Variants in EDN1 observed in about 807,000 individuals in gnomAD.
EDN1 encodes endothelin 1.
Under a neutral mutation model 21.7 loss-of-function variants are expected in EDN1, and 11 were observed. The ratio of observed to expected loss-of-function variants is 0.51; its 90% CI spans 0.32 to 0.84. EDN1 has a LOEUF of 0.84. EDN1 is among the 40% of genes least tolerant of loss of function. The pLI is 0.03. For synonymous variants in EDN1, 85 were observed against 90.6 expected, an observed-to-expected ratio of 0.94 and a Z score of 0.35; for missense variants, 244 against 262.3, an observed-to-expected ratio of 0.93 and a Z score of 0.48.
chr6:12,296,018 G>T lies in EDN1; in HGVS notation c.590G>T (p.Gly197Val). The T allele has an allele frequency of 6.2e-7, 1 of 1,614,048 alleles. No individual in the cohort carries two copies. The highest frequency in any genetic ancestry group is 8.5e-7 in the Non-Finnish European group (1 of 1,180,014). Residue 197 changes from glycine (G) to valine (V), a missense_variant, in exon 5 of 5, where the codon GGC becomes GTC. By Grantham distance (109) the Gly-to-Val change is moderately radical (BLOSUM62 -3). Transcript: ENST00000379375. ...KSSFHDPKLK[G>V]KPSRERYVTH... is the part of the protein sequence containing the mutation. ...TCTTTTCATGATCCCAAGCTGAAAG[G>T]CAAGCCCTCCAGAGAGCGTTATGTG...
the EDN1 span, among the ~76,000 whole-genome samples, chr6:12,236,063 A>G: frequency 6.6e-6 from 1 of 152,178 alleles, no homozygotes; most frequent in Admixed American, 6.5e-5. Flanking sequence ...GTCTTTTTAA[A>G]CTGTATTCTG....
the EDN1 span, among the ~76,000 whole-genome samples, chr6:12,259,068 A>G: frequency 1.3e-5 from 2 of 152,204 alleles, no homozygotes; most frequent in African/African-American, 2.4e-5. Context: ...TTTTATGTTG[A>G]CAATACATGG....
chr6:12,243,209 G>T, the EDN1 span, among the ~76,000 whole-genome samples: 1 of 150,590 alleles, frequency 6.6e-6, no homozygotes, highest in Non-Finnish European at 1.5e-5. Flanking sequence ...ATAAAGAAGA[G>T]AAAATATATT....
chr6:12,246,141 T>C, the EDN1 span, among the ~76,000 whole-genome samples: 20 of 152,206 alleles, frequency 1.3e-4, no homozygotes. Context: ...CTTCCTTTAA[T>C]AATTTCCATC....
At chr6:12,264,700 C>T in the EDN1 span, among the ~76,000 whole-genome samples, 1 of 152,120 alleles carries the variant, frequency 6.6e-6, no homozygotes, top group Non-Finnish European at 1.5e-5. Flanking sequence ...CATCCTGGAC[C>T]ACATGCTGCC....
the EDN1 span, among the ~76,000 whole-genome samples, chr6:12,247,060 C>G: frequency 6.6e-6 from 1 of 152,212 alleles, no homozygotes; most frequent in South Asian, 2.1e-4. Flanking sequence ...TCACTACACA[C>G]ATGTTTTTAT....
the EDN1 span, among the ~76,000 whole-genome samples, chr6:12,257,983 A>G: frequency 6.6e-6 from 1 of 152,162 alleles, no homozygotes; most frequent in Non-Finnish European, 1.5e-5. Flanking sequence ...GGAGTGCAAA[A>G]TAATTCTGAC....
the EDN1 span, among the ~76,000 whole-genome samples, chr6:12,243,899 T>C: frequency 6.6e-6 from 1 of 152,170 alleles, no homozygotes; most frequent in African/African-American, 2.4e-5. Context: ...CAAATATTCT[T>C]TTTTTATTTG....
chr6:12,244,081 T>C, the EDN1 span, among the ~76,000 whole-genome samples: 1 of 152,136 alleles, frequency 6.6e-6, no homozygotes, highest in African/African-American at 2.4e-5. Context: ...CAGGAAGCTT[T>C]CATTTGTGTG....
intron 4 of EDN1, among the ~76,000 whole-genome samples, chr6:12,294,846 A>C (rs924513046): frequency 1.1e-4 from 17 of 151,336 alleles, no homozygotes; most frequent in African/African-American, 4.1e-4. Context: ...AGTTATTCAG[A>C]TGGCCAAAGG....
Position 12,290,503 on chromosome 6 carries a change from C to A in EDN1, c.-127C>A. Reference sequence around the variant, plus strand: ...CTGCCTTTTCTCCCCGTTAAAAGGGCACTTGGGCTGAAGGATCGCTTTGAG... The same window carrying A: ...CTGCCTTTTCTCCCCGTTAAAAGGGAACTTGGGCTGAAGGATCGCTTTGAG... On this transcript the variant is annotated 5_prime_UTR_variant, in exon 1 of 5. Coordinates refer to ENST00000379375, the MANE Select transcript of EDN1 (RefSeq NM_001955.5). The A allele has an allele frequency of 1.3e-6, 1 of 783,956 alleles. No individual in the cohort carries two copies. 48.6% of individuals were successfully genotyped at this position (783,956 alleles called of 1,614,324 possible).
the EDN1 span, among the ~76,000 whole-genome samples, chr6:12,270,730 C>A: frequency 1.3e-5 from 2 of 152,100 alleles, no homozygotes; most frequent in Non-Finnish European, 1.5e-5. Flanking sequence ...TGTGCTGTTG[C>A]GAAGAATGTG....
At chr6:12,232,131 A>AT in the EDN1 span, among the ~76,000 whole-genome samples, 1 of 141,774 alleles carries the variant, frequency 7.1e-6, no homozygotes, top group Admixed American at 7.3e-5. Flanking sequence ...TAAAATTATA[A>AT]TATAATATAA....
the EDN1 span, among the ~76,000 whole-genome samples, chr6:12,272,452 C>CTTTTTTTTTT: frequency 6.0e-4 from 64 of 106,816 alleles, 2 homozygotes; most frequent in African/African-American, 2.4e-3. Context: ...GAGTCATACT[C>CTTTTTTTTTT]TTTTTTTTTT....
the EDN1 span, among the ~76,000 whole-genome samples, chr6:12,231,327 G>C: frequency 6.6e-6 from 1 of 152,272 alleles, no homozygotes; most frequent in East Asian, 1.9e-4. Flanking sequence ...CGAATCAAAA[G>C]TCAAATCCAT....
the EDN1 span, among the ~76,000 whole-genome samples, chr6:12,248,930 G>C: frequency 6.6e-6 from 1 of 152,202 alleles, no homozygotes; most frequent in Non-Finnish European, 1.5e-5. Context: ...AAGTGTGAAG[G>C]CTGAGTTTGG....
chr6:12,261,266 A>G, the EDN1 span, among the ~76,000 whole-genome samples: 1 of 152,196 alleles, frequency 6.6e-6, no homozygotes, highest in African/African-American at 2.4e-5. Flanking sequence ...AAACTGAAGT[A>G]TAATAAGAGA....
chr6:12,267,473 G>C, the EDN1 span, among the ~76,000 whole-genome samples: 10 of 152,146 alleles, frequency 6.6e-5, no homozygotes, highest in African/African-American at 2.4e-4. Context: ...GAACAAACCA[G>C]GCACAGCATT....
chr6:12,234,508 C>T, the EDN1 span, among the ~76,000 whole-genome samples: 2 of 152,316 alleles, frequency 1.3e-5, no homozygotes, highest in African/African-American at 4.8e-5. Context: ...GAAACGGAGG[C>T]GGAGGTCACT....
Sources: allele counts gnomAD v4.1 joint callset (sites outside exome capture counted in the v4.1 genomes callset), GRCh38; gene constraint gnomAD v4.1.1; transcripts MANE v1.5; gene names NCBI Gene and HGNC (gene_info 2026-07-23, HGNC 2026-07-21).